FSIP2: variants seen among roughly 807,000 people sequenced by gnomAD.
FSIP2 encodes the protein fibrous sheath-interacting protein 2.
Under a neutral mutation model 510.5 loss-of-function variants are expected in FSIP2, and 367 were observed. The observed-to-expected ratio is 0.72, with a 90% CI of 0.66 to 0.78. The LOEUF is 0.78. Among genes scored for constraint, FSIP2 ranks in the 30% least tolerant of loss-of-function variants. The pLI, the probability that FSIP2 is intolerant of heterozygous loss-of-function variation, is 0.00. For missense variants in FSIP2, 7,594 were observed against 7,901.7 expected (o/e 0.96, Z 1.48); for synonymous variants, 2,601 against 2,732.2 (o/e 0.95, Z 1.50).
chr2:185,806,741 G>T lies in FSIP2; in HGVS notation c.17435G>T (p.Cys5812Phe), dbSNP rs756475076. The T allele has an allele frequency of 1.2e-6, 2 of 1,611,268 alleles. No individual in the cohort carries two copies. Among genetic ancestry groups the T allele is most frequent in the South Asian group, 2.2e-5 (2 of 90,808 alleles). The change falls in exon 17 of 23, where the codon TGT (cysteine) becomes TTT (phenylalanine). Residue 5812 changes from cysteine to phenylalanine, a missense_variant. Coordinates refer to ENST00000424728, the MANE Select transcript of FSIP2 (RefSeq NM_173651.4). ...CCAGAAACACAAATACAAGATAGAT[G>T]TCAAAATGTTAGTGATAAGCAAAAT... Reference protein sequence around the residue: ...SIPETQIQDRCQNVSDKQNQA... With the variant: ...SIPETQIQDRFQNVSDKQNQA...
chr2:185,808,949 C>T lies in FSIP2; in HGVS notation c.19643C>T (p.Thr6548Ile). Residue 6548 changes from threonine (T) to isoleucine (I), a missense_variant, in exon 17 of 23, where the codon ACT becomes ATT. Physicochemically the swap from Thr to Ile is moderately conservative, Grantham distance 89. Transcript: ENST00000424728. ...SEHLAVISIK[T>I]QPLEKLKQEC... ...CACTTAGCAGTTATTTCTATAAAAA[C>T]TCAACCTCTTGAGAAACTTAAGCAG... The T allele has an allele frequency of 6.2e-7, 1 of 1,608,860 alleles. No individual in the cohort carries two copies. Among genetic ancestry groups the T allele is most frequent in the Non-Finnish European group, 8.5e-7 (1 of 1,178,520 alleles).
chr2:185,814,335 T>C (rs1371792700), intron 18 of FSIP2, among the ~76,000 whole-genome samples: 1 of 152,034 alleles, frequency 6.6e-6, no homozygotes. Context: ...TTTCCACCCT[T>C]TTGTATTTTG....
chr2:185,765,073 G>A (rs1451147186), intron 13 of FSIP2: 1 of 151,802 alleles, frequency 6.6e-6, no homozygotes, highest in Non-Finnish European at 1.5e-5. Flanking sequence ...ATATATTGAC[G>A]GTACAGATGG....
Position 185,789,042 on chromosome 2 carries a change from T to G in FSIP2, c.1906T>G (p.Ser636Ala). 1 of 1,534,328 alleles carries G rather than the reference T, an allele frequency of 6.5e-7. No homozygotes were observed. The highest frequency in any genetic ancestry group is 1.4e-5 in the African/African-American group (1 of 73,030). The change falls in exon 16 of 23, where the codon TCA becomes GCA. Residue 636 changes from serine (S) to alanine (A), a missense_variant. Physicochemically the swap from Ser to Ala is moderately conservative, Grantham distance 99 (BLOSUM62 1). Transcript: ENST00000424728. ...HKYNKTNLLY[S>A]YPKLRSCKSD... ...ATATAATAAAACCAACTTGCTATAT[T>G]CATACCCTAAGCTCAGAAGTTGTAA...
chr2:185,749,474 G>C (rs1428473532), intron 7 of FSIP2, among the ~76,000 whole-genome samples: 1 of 151,780 alleles, frequency 6.6e-6, no homozygotes, highest in Non-Finnish European at 1.5e-5. Flanking sequence ...AAAAACATCT[G>C]ATTTATTTAT....
In FSIP2 at chr2:185,813,626, A is replaced by G; in HGVS notation, c.19909A>G (p.Asn6637Asp). 6.3e-7 allele frequency: 1 copy of G among 1,592,502 alleles called. No homozygotes were observed. Among genetic ancestry groups the G allele is most frequent in the Non-Finnish European group, 8.6e-7 (1 of 1,169,240 alleles). Residue 6637 changes from asparagine (N) to aspartate (D), a missense_variant, in exon 18 of 23, where the codon AAT becomes GAT. Coordinates refer to ENST00000424728, the MANE Select transcript of FSIP2 (RefSeq NM_173651.4). ...VELLKDVQSK[N>D]DLIVRLVAHD... ...GCTCTTAAAAGATGTTCAAAGTAAA[A>G]ATGATCTTATTGTTCGATTAGTAGC...
intron 13 of FSIP2, among the ~76,000 whole-genome samples, chr2:185,775,848 G>T (rs991700613): frequency 6.6e-6 from 1 of 152,132 alleles, no homozygotes; most frequent in Admixed American, 6.5e-5. Flanking sequence ...ATTTTTAGTA[G>T]AGATGGAGTT....
chr2:185,799,585 T>C (rs1030495373), intron 16 of FSIP2, 112 bp from the exon 17 acceptor site: 2 of 465,858 alleles, frequency 4.3e-6, no homozygotes, highest in African/African-American at 4.0e-5. Flanking sequence ...AGATTTTTCT[T>C]TAGTGAGTTG....
chr2:185,789,561 A>G lies in FSIP2; in HGVS notation c.2425A>G (p.Met809Val), dbSNP rs139732930. 65 of 1,534,830 alleles carry G rather than the reference A, an allele frequency of 4.2e-5. No individual in the cohort carries two copies. Among genetic ancestry groups the G allele is most frequent in the South Asian group, 2.7e-4 (23 of 84,038 alleles). ...SSNGKPLKNSMPHTLDPMCDI... is the reference protein window; with the variant it reads ...SSNGKPLKNSVPHTLDPMCDI... ...TAATGGAAAACCTTTGAAAAATTCA[A>G]TGCCTCATACTTTGGACCCAATGTG... Residue 809 changes from methionine (M) to valine (V), a missense_variant, in exon 16 of 23, where the codon ATG becomes GTG. Coordinates refer to ENST00000424728, the MANE Select transcript of FSIP2 (RefSeq NM_173651.4).
At chr2:185,747,785 T>G (rs7570931) in intron 7 of FSIP2, among the ~76,000 whole-genome samples, 1 of 151,910 alleles carries the variant, frequency 6.6e-6, no homozygotes, top group Non-Finnish European at 1.5e-5. Context: ...TTTAATAATA[T>G]ATAAGATTTT....
In FSIP2 at chr2:185,806,080, G is replaced by T; in HGVS notation, c.16774G>T (p.Asp5592Tyr). The T allele has an allele frequency of 6.4e-7, 1 of 1,570,194 alleles. No homozygotes were observed. The highest frequency in any genetic ancestry group is 8.6e-7 in the Non-Finnish European group (1 of 1,159,284). Residue 5592 changes from aspartate (D) to tyrosine (Y), a missense_variant, in exon 17 of 23, where the codon GAT becomes TAT. By Grantham distance (160) the Asp-to-Tyr change is radical (BLOSUM62 -3). Transcript: ENST00000424728. ...CACACATTTTTCATTAATAATTGATGATACAGAATATGAGAAGGAAGTACT... is the reference window on the plus strand; with the variant it reads ...CACACATTTTTCATTAATAATTGATTATACAGAATATGAGAAGGAAGTACT... ...IYTHFSLIID[D>Y]TEYEKEVLGS...
In FSIP2 at chr2:185,788,661, A is replaced by G; in HGVS notation, c.1525A>G (p.Asn509Asp). ...TTTCCAGGTAACTTCTGAAGAACTG[A>G]ATATTATAATTCAGAATGTAATGAC... ...LQEKVTSEEL[N>D]IIIQNVMTWV... The change falls in exon 16 of 23, where the codon AAT (asparagine) becomes GAT (aspartate). Residue 509 changes from asparagine to aspartate, a missense_variant. Physicochemically the swap from Asn to Asp is conservative, Grantham distance 23. Transcript: ENST00000424728. 2 of 1,511,146 alleles carry G rather than the reference A, an allele frequency of 1.3e-6. No individual in the cohort carries two copies. The highest frequency in any genetic ancestry group is 1.8e-6 in the Non-Finnish European group (2 of 1,137,028). The allele number at this position is 1,511,146 out of a possible 1,614,324, so 93.6% of individuals were successfully genotyped here.
chr2:185,769,070 G>A (rs899286328), intron 13 of FSIP2, among the ~76,000 whole-genome samples: 1 of 152,086 alleles, frequency 6.6e-6, no homozygotes, highest in East Asian at 1.9e-4. Context: ...CTTTGCTATT[G>A]TGAGTAATGT....
In FSIP2 at chr2:185,800,871, A is replaced by G; in HGVS notation, c.11565A>G (p.Leu3855=). Reference sequence around the variant, plus strand: ...TGGTTAAATCATTGATGGACAAATTATCTCACAGCATACAACAAGCTCCGG... The same window carrying G: ...TGGTTAAATCATTGATGGACAAATTGTCTCACAGCATACAACAAGCTCCGG... The part of the protein sequence containing the change: ...HSLVKSLMDK[L]SHSIQQAPES... The change falls in exon 17 of 23, where the codon TTA becomes TTG. Residue 3855 remains leucine (L), a synonymous_variant. Coordinates refer to ENST00000424728, the MANE Select transcript of FSIP2 (RefSeq NM_173651.4). The G allele has an allele frequency of 6.5e-7, 1 of 1,534,270 alleles. No homozygotes were observed.
At chr2:185,830,156 A>G (rs1319956215) in intron 21 of FSIP2, among the ~76,000 whole-genome samples, 2 of 151,886 alleles carry the variant, frequency 1.3e-5, no homozygotes, top group South Asian at 2.1e-4. Context: ...AAAAAAATCA[A>G]TGTTCTCTAC....
rs1693428027 is a variant in FSIP2, at chr2:185,801,243, A to G, written c.11937A>G (p.Ile3979Met). ...ATTCAGCCACATTTTTGGAAGGAAT[A>G]ATTTCAGAATTGTTTTTTAATCTCT... ...GVYSATFLEG[I>M]ISELFFNLSM... is the part of the protein sequence containing the mutation. Residue 3979 changes from isoleucine (I) to methionine (M), a missense_variant, in exon 17 of 23, where the codon ATA (isoleucine) becomes ATG (methionine). Coordinates refer to ENST00000424728, the MANE Select transcript of FSIP2 (RefSeq NM_173651.4). The G allele has an allele frequency of 1.3e-6, 2 of 1,534,260 alleles. No homozygotes were observed. Among genetic ancestry groups the G allele is most frequent in the East Asian group, 4.9e-5 (2 of 40,824 alleles).
chr2:185,776,710 T>C (rs534375871), intron 13 of FSIP2, among the ~76,000 whole-genome samples: 2 of 152,216 alleles, frequency 1.3e-5, no homozygotes, highest in South Asian at 4.1e-4. Context: ...AATAAGTCTA[T>C]TTTCTGTCTG....
At chr2:185,788,012 C>G (rs1019113569) in intron 15 of FSIP2, 1 of 151,336 alleles carries the variant, frequency 6.6e-6, no homozygotes, top group African/African-American at 2.4e-5. Context: ...GGATACAAAG[C>G]CCGTCAATCT....
At position 185,793,752 on chromosome 2, in the gene FSIP2, A is replaced by G. The variant is rs1363262187; in HGVS notation, c.6616A>G (p.Lys2206Glu). 2 of 1,533,446 alleles carry G rather than the reference A, an allele frequency of 1.3e-6. No individual in the cohort carries two copies. Among genetic ancestry groups the G allele is most frequent in the Admixed American group, 2.0e-5 (1 of 50,668 alleles). The allele number at this position is 1,533,446 out of a possible 1,614,324, so 95.0% of individuals were successfully genotyped here. A position where few individuals can be genotyped will look rare whatever the true frequency, so the allele number is the denominator to read the frequency against. The change falls in exon 16 of 23, where the codon AAA (lysine) becomes GAA (glutamate). Residue 2206 changes from lysine to glutamate, a missense_variant. By Grantham distance (56) the Lys-to-Glu change is moderately conservative. Coordinates refer to ENST00000424728, the MANE Select transcript of FSIP2 (RefSeq NM_173651.4). ...CTGTCAACAGCCTCTTAAGGGGTCA[A>G]AAACTGAAAGAAAAACAGAGCGTTT... ...IDCQQPLKGSKTERKTERFSY... is the reference protein window; with the variant it reads ...IDCQQPLKGSETERKTERFSY...
Sources: gnomAD v4.1 joint callset for allele counts (sites outside exome capture counted in the v4.1 genomes callset) on GRCh38, gnomAD v4.1.1 for gene constraint, MANE v1.5 for transcripts, NCBI Gene and HGNC (gene_info 2026-07-23, HGNC 2026-07-21) for gene names.